Variants in FILIP1L observed in about 807,000 individuals in gnomAD.
The protein encoded by FILIP1L is filamin A interacting protein 1 like, also known as filamin A-interacting protein 1-like.
In FILIP1L, 55 loss-of-function variants were observed where a neutral mutation model predicts 96.6. The observed-to-expected ratio is 0.57, with a 90% CI of 0.46 to 0.71. The LOEUF is 0.71. FILIP1L is among the 30% of genes least tolerant of loss of function. The pLI is 0.00. For missense variants in FILIP1L, 1,304 were observed against 1,321.2 expected (o/e 0.99, Z 0.20); for synonymous variants, 467 against 473.9 (o/e 0.99, Z 0.19).
At chr3:99,982,544 C>T (rs1280894280) in intron 1 of FILIP1L, among the ~76,000 whole-genome samples, 2 of 152,150 alleles carry the variant, frequency 1.3e-5, no homozygotes, top group East Asian at 3.9e-4. Context: ...GTCTCTCACT[C>T]TGTTGCCCAG....
intron 1 of FILIP1L, among the ~76,000 whole-genome samples, chr3:99,985,479 G>A (rs1291987666): frequency 1.3e-5 from 2 of 152,076 alleles, no homozygotes; most frequent in Non-Finnish European, 2.9e-5. Context: ...CAGCCTGGGT[G>A]ACAGCAAGAC....
chr3:100,081,906 A>C (rs1398515273), intron 1 of FILIP1L, among the ~76,000 whole-genome samples: 1 of 152,166 alleles, frequency 6.6e-6, no homozygotes, highest in Non-Finnish European at 1.5e-5. Context: ...GACAATTAAA[A>C]ATGTCTCCAG....
intron 4 of FILIP1L, among the ~76,000 whole-genome samples, chr3:99,869,124 G>A (rs1217388735): frequency 1.3e-5 from 2 of 152,206 alleles, no homozygotes; most frequent in Non-Finnish European, 2.9e-5. Context: ...AGAAGGACAA[G>A]TAGAGTTTTG....
At chr3:99,854,719 C>T (rs890042469) in intron 4 of FILIP1L, among the ~76,000 whole-genome samples, 1 of 152,088 alleles carries the variant, frequency 6.6e-6, no homozygotes, top group African/African-American at 2.4e-5. Context: ...AACTACTGAT[C>T]TATGCATGTG....
chr3:99,993,603 G>T (rs1033972009), intron 1 of FILIP1L, among the ~76,000 whole-genome samples: 1 of 152,060 alleles, frequency 6.6e-6, no homozygotes, highest in South Asian at 2.1e-4. Context: ...GTATGATATT[G>T]GGTGTGGGTT....
At chr3:99,991,417 T>A (rs1439167257) in intron 1 of FILIP1L, among the ~76,000 whole-genome samples, 4 of 152,158 alleles carry the variant, frequency 2.6e-5, no homozygotes, top group Non-Finnish European at 5.9e-5. Context: ...ATGAAGTGAT[T>A]TTATAATTTT....
intron 1 of FILIP1L, among the ~76,000 whole-genome samples, chr3:100,066,012 C>A (rs944911351): frequency 1.3e-5 from 2 of 152,194 alleles, no homozygotes; most frequent in Non-Finnish European, 2.9e-5. Context: ...ACTTTTAAAA[C>A]CCTTCCAGAT....
intron 1 of FILIP1L, among the ~76,000 whole-genome samples, chr3:100,087,167 C>T (rs994741698): frequency 9.2e-5 from 14 of 152,294 alleles, no homozygotes; most frequent in Non-Finnish European, 8.8e-5. Flanking sequence ...TTAATGTTCA[C>T]GTACAGGTTT....
At chr3:99,987,197 C>G (rs916341563) in intron 1 of FILIP1L, among the ~76,000 whole-genome samples, 20 of 150,266 alleles carry the variant, frequency 1.3e-4, no homozygotes, top group Non-Finnish European at 2.4e-4. Flanking sequence ...GCCATGCACT[C>G]CAGCCTGGGG....
At chr3:100,080,059 C>T (rs1267712870) in intron 1 of FILIP1L, among the ~76,000 whole-genome samples, 1 of 152,156 alleles carries the variant, frequency 6.6e-6, no homozygotes, top group African/African-American at 2.4e-5. Context: ...GGTGTCAACA[C>T]TGGGTCTTCT....
intron 1 of FILIP1L, among the ~76,000 whole-genome samples, chr3:99,982,365 G>A (rs1286296544): frequency 1.3e-5 from 2 of 150,954 alleles, no homozygotes; most frequent in Non-Finnish European, 3.0e-5. Flanking sequence ...TTTGAGACAG[G>A]GTCTCACTCT....
At chr3:100,013,167 A>ACACTCGGCTGGCCAG in intron 1 of FILIP1L, among the ~76,000 whole-genome samples, 1 of 151,958 alleles carries the variant, frequency 6.6e-6, no homozygotes, top group East Asian at 1.9e-4. Flanking sequence ...ATGAGCTACC[A>ACACTCGGCTGGCCAG]TGCCCAACTG....
chr3:100,093,137 A>G (rs779224773), intron 1 of FILIP1L, among the ~76,000 whole-genome samples: 7 of 152,170 alleles, frequency 4.6e-5, no homozygotes, highest in East Asian at 3.8e-4. Context: ...AACATACTCT[A>G]TGCACTGGTC....
intron 1 of FILIP1L, among the ~76,000 whole-genome samples, chr3:100,082,198 A>G (rs1258064232): frequency 6.6e-6 from 1 of 152,238 alleles, no homozygotes; most frequent in Non-Finnish European, 1.5e-5. Flanking sequence ...CATTATTGCT[A>G]AAGAGTCATA....
At chr3:100,046,009 T>C (rs547107661) in intron 1 of FILIP1L, among the ~76,000 whole-genome samples, 2 of 152,124 alleles carry the variant, frequency 1.3e-5, no homozygotes, top group Non-Finnish European at 1.5e-5. Flanking sequence ...AATGGAAACA[T>C]GTTTGCCACA....
At chr3:99,875,296 A>G (rs1437076805) in intron 4 of FILIP1L, among the ~76,000 whole-genome samples, 1 of 152,206 alleles carries the variant, frequency 6.6e-6, no homozygotes, top group African/African-American at 2.4e-5. Flanking sequence ...GATGTAACTA[A>G]TTATGGTTTA....
intron 1 of FILIP1L, among the ~76,000 whole-genome samples, chr3:100,102,234 T>G (rs1035979312): frequency 6.6e-6 from 1 of 152,150 alleles, no homozygotes; most frequent in Non-Finnish European, 1.5e-5. Context: ...TACAGTCCCA[T>G]CAACAGTGTA....
intron 1 of FILIP1L, among the ~76,000 whole-genome samples, chr3:99,960,504 A>G (rs570862768): frequency 5.7e-4 from 87 of 152,370 alleles, no homozygotes; most frequent in African/African-American, 2.1e-3. Context: ...GATTAGGAAT[A>G]TAAAAGATTA....
chr3:100,081,788 G>A (rs2065935944), intron 1 of FILIP1L, among the ~76,000 whole-genome samples: 1 of 152,028 alleles, frequency 6.6e-6, no homozygotes, highest in Non-Finnish European at 1.5e-5. Context: ...TTAGAGCCAG[G>A]TTTCTCCTTC....
Sources: allele counts gnomAD v4.1 joint callset (sites outside exome capture counted in the v4.1 genomes callset), GRCh38; gene constraint gnomAD v4.1.1; transcripts MANE v1.5; gene names NCBI Gene and HGNC (gene_info 2026-07-23, HGNC 2026-07-21).